Variants in PHF14 observed in about 807,000 individuals in gnomAD.
The protein encoded by PHF14 is PHD finger protein 14.
PHF14 carries 55 observed loss-of-function variants against 117.9 expected under a neutral mutation model. The observed-to-expected ratio is 0.47, with a 90% CI of 0.38 to 0.58. The LOEUF (loss-of-function observed/expected upper bound fraction) is 0.58. PHF14 is among the 20% of genes least tolerant of loss of function. PHF14 has a pLI of 0.00. For missense variants in PHF14, 978 were observed against 1,122.2 expected (o/e 0.87, Z 1.84); for synonymous variants, 409 against 368.6 (o/e 1.11, Z -1.26).
chr7:11,006,598 C>G (rs1033545227), intron 4 of PHF14: 4 of 607,812 alleles, frequency 6.6e-6, no homozygotes, highest in South Asian at 5.5e-5. Context: ...ATGTTGTTGT[C>G]TTCTATCTTC....
At position 11,122,352 on chromosome 7, in the gene PHF14, T is replaced by TATATATATATATATATATACAC; in HGVS notation, c.2772+10886_2772+10887insTATATATATATATATATACACA. Among the ~76,000 whole-genome samples, 306 of 65,700 alleles carry TATATATATATATATATATACAC rather than the reference T, an allele frequency of 4.7e-3. 3 individuals carry two copies. The highest frequency in any genetic ancestry group is 7.5e-3 in the Middle Eastern group (1 of 134). 43.1% of individuals were successfully genotyped at this position (65,700 alleles called of 152,430 possible). A position where few individuals can be genotyped will look rare whatever the true frequency, so the allele number is the denominator to read the frequency against. ...CTTTTTATATATATATATATATATATACACACACACACACACACACACACA... is the reference window on the plus strand; with the variant it reads ...CTTTTTATATATATATATATATATATATATATATATATATATATACACACACACACACACACACACACACACA... On this transcript the variant is annotated intron_variant, in intron 17 of 17. Transcript: ENST00000634607.
At position 11,006,607 on chromosome 7, in the gene PHF14, T is replaced by C. The variant is rs986324787; in HGVS notation, c.1046-7140T>C. 3.1e-5 allele frequency: 19 copies of C among 612,084 alleles called. No homozygotes were observed. The African/African-American group carries it at 3.3e-4, about 11-fold the overall frequency. 37.9% of individuals were successfully genotyped at this position (612,084 alleles called of 1,614,324 possible). A position where few individuals can be genotyped will look rare whatever the true frequency, so the allele number is the denominator to read the frequency against. On this transcript the variant is annotated intron_variant, in intron 4 of 17. Transcript: ENST00000634607. Reference sequence around the variant, plus strand: ...ACAAGCATGTTGTTGTCTTCTATCTTCTTCATGGCAGACTCAGTGGTCAGC... The same window carrying C: ...ACAAGCATGTTGTTGTCTTCTATCTCCTTCATGGCAGACTCAGTGGTCAGC...
chr7:11,162,248 C>T (rs563952308), intron 17 of PHF14, among the ~76,000 whole-genome samples: 1 of 151,664 alleles, frequency 6.6e-6, no homozygotes, highest in East Asian at 1.9e-4. Context: ...GCCACCATAC[C>T]CAGCTAATTT....
chr7:11,011,144 A>G (rs562315549), intron 4 of PHF14, among the ~76,000 whole-genome samples: 11 of 152,236 alleles, frequency 7.2e-5, no homozygotes, highest in Non-Finnish European at 1.0e-4. Context: ...AAATACTTAC[A>G]TGTAACCACT....
chr7:11,064,879 A>T (rs1382218241), intron 16 of PHF14, among the ~76,000 whole-genome samples: 1 of 151,980 alleles, frequency 6.6e-6, no homozygotes, highest in African/African-American at 2.4e-5. Flanking sequence ...TAGGTACCTT[A>T]TGGATAATTG....
chr7:10,977,984 T>A (rs1248471875), intron 2 of PHF14, among the ~76,000 whole-genome samples: 1 of 151,532 alleles, frequency 6.6e-6, no homozygotes, highest in Non-Finnish European at 1.5e-5. Flanking sequence ...AGACATGTAT[T>A]ACTTCTATTA....
chr7:11,062,530 T>C (rs17280846), intron 16 of PHF14: 11,035 of 202,536 alleles, frequency 0.054, 366 homozygotes, highest in Non-Finnish European at 0.075. Context: ...AGCACTTTCT[T>C]ATTGCTTATC....
chr7:11,051,116 C>A (rs1784839136), intron 13 of PHF14, among the ~76,000 whole-genome samples: 1 of 152,148 alleles, frequency 6.6e-6, no homozygotes, highest in Admixed American at 6.5e-5. Context: ...TCATAGCTCA[C>A]TGCAGCCTCC....
intron 6 of PHF14, among the ~76,000 whole-genome samples, chr7:11,023,793 A>C (rs1175393418): frequency 6.6e-6 from 1 of 152,084 alleles, no homozygotes; most frequent in African/African-American, 2.4e-5. Context: ...GCGCCACGGC[A>C]CTCCAGCCTG....
chr7:11,144,278 A>C (rs890647001), intron 17 of PHF14, among the ~76,000 whole-genome samples: 5 of 152,082 alleles, frequency 3.3e-5, no homozygotes, highest in Admixed American at 2.0e-4. Flanking sequence ...ATGTAAATTC[A>C]TGCAGCCATT....
chr7:11,104,266 G>C, intron 16 of PHF14: 4 of 984,604 alleles, frequency 4.1e-6, no homozygotes, highest in Non-Finnish European at 4.8e-6. Flanking sequence ...TTTGGTGCTA[G>C]TCCTAAGAAT....
chr7:11,169,455 G>A lies in PHF14; in HGVS notation c.2812G>A (p.Glu938Lys). 1.3e-6 allele frequency: 2 copies of A among 1,524,304 alleles called. No homozygotes were observed. Among genetic ancestry groups the A allele is most frequent in the Non-Finnish European group, 1.8e-6 (2 of 1,125,814 alleles). The allele number at this position is 1,524,304 out of a possible 1,614,324, so 94.4% of individuals were successfully genotyped here. ...AGCTGAAAGAAAAAATATATCTCAG[G>A]AGCTCAACATGGAACAGAAAAATCC... ...NEAERKNISQELNMEQKNPKK is the reference protein window; with the variant it reads ...NEAERKNISQKLNMEQKNPKK Residue 938 changes from glutamate (E) to lysine (K), a missense_variant, in exon 18 of 18, where the codon GAG becomes AAG. Physicochemically the swap from Glu to Lys is moderately conservative, Grantham distance 56. Around this residue, in one of 7 missense-constraint regions of PHF14, gnomAD observed 180 missense variants for 195.4 expected, o/e 0.92. Coordinates refer to ENST00000634607, the MANE Select transcript of PHF14 (RefSeq NM_001007157.2).
At chr7:11,160,460 G>A (rs920084451) in intron 17 of PHF14, among the ~76,000 whole-genome samples, 1 of 152,124 alleles carries the variant, frequency 6.6e-6, no homozygotes, top group Non-Finnish European at 1.5e-5. Flanking sequence ...TCTGTTCTTA[G>A]ATAAATCTCC....
chr7:10,999,631 C>G (rs1723385743), intron 4 of PHF14, among the ~76,000 whole-genome samples: 1 of 152,184 alleles, frequency 6.6e-6, no homozygotes, highest in Admixed American at 6.5e-5. Context: ...AAGGGCACAA[C>G]ATTAGTTCCA....
chr7:11,118,126 A>G (rs902101635), intron 17 of PHF14, among the ~76,000 whole-genome samples: 21 of 151,912 alleles, frequency 1.4e-4, no homozygotes, highest in African/African-American at 4.8e-4. Context: ...ACAGATATGT[A>G]AAAAGTCTGG....
chr7:11,096,968 T>C (rs1423933708), intron 16 of PHF14, among the ~76,000 whole-genome samples: 1 of 149,232 alleles, frequency 6.7e-6, no homozygotes, highest in African/African-American at 2.5e-5. Flanking sequence ...AATAGTAGAC[T>C]AGAACTTTTT....
intron 10 of PHF14, among the ~76,000 whole-genome samples, chr7:11,037,332 T>C (rs1205777181): frequency 6.6e-6 from 1 of 152,164 alleles, no homozygotes; most frequent in Non-Finnish European, 1.5e-5. Context: ...CTTAACTTTA[T>C]AGTGTAGGTT....
At position 11,131,996 on chromosome 7, in the gene PHF14, A is replaced by G. The variant is rs556220698; in HGVS notation, c.2772+20529A>G. Among the ~76,000 whole-genome samples the G allele has an allele frequency of 6.6e-5, 10 of 151,932 alleles. No individual in the cohort carries two copies. The East Asian group carries it at 1.7e-3, about 26-fold the overall frequency. ...ATTTTTTATTGTGTATATTTAAGGT[A>G]TACAACATGGTGTTCTGGGATACAG... On this transcript the variant is annotated intron_variant, in intron 17 of 17. Transcript: ENST00000634607.
chr7:11,080,456 C>T (rs1786053270), intron 16 of PHF14, among the ~76,000 whole-genome samples: 1 of 151,998 alleles, frequency 6.6e-6, no homozygotes, highest in Non-Finnish European at 1.5e-5. Flanking sequence ...GTTTCTCAGT[C>T]AGTATGGCAT....
Sources: allele counts gnomAD v4.1 joint callset (sites outside exome capture counted in the v4.1 genomes callset), GRCh38; gene constraint gnomAD v4.1.1; regional missense constraint gnomAD v4.1.1; transcripts MANE v1.5; gene names NCBI Gene and HGNC (gene_info 2026-07-23, HGNC 2026-07-21).